The following EPHB4 variants were observed in gnomAD, a reference collection of about 807,000 sequenced individuals.
EPHB4 encodes the protein ephrin type-B receptor 4.
EPHB4 carries 50 observed loss-of-function variants against 110.6 expected under a neutral mutation model. That is an observed-to-expected ratio of 0.45 (90% CI 0.36 to 0.57). The LOEUF (loss-of-function observed/expected upper bound fraction) is 0.57. Ranked by LOEUF, EPHB4 falls within the 20% of genes least tolerant of loss-of-function variation. EPHB4 has a pLI of 0.00. For synonymous variants in EPHB4, 592 were observed against 578.4 expected, an observed-to-expected ratio of 1.02 and a Z score of -0.34; for missense variants, 1,128 against 1,382.1, an observed-to-expected ratio of 0.82 and a Z score of 2.91.
intron 14 of EPHB4, 95 bp from the exon 15 acceptor site, chr7:100,805,789 A>G: frequency 8.1e-7 from 1 of 1,228,496 alleles, no homozygotes; most frequent in Non-Finnish European, 1.1e-6. Context: ...ATGGTAGGAT[A>G]GGAGCCACAG....
In EPHB4 at chr7:100,817,069, C is replaced by G. The variant is rs1813090324; in HGVS notation, c.1588+123G>C. On this transcript the variant is annotated intron_variant, in intron 8 of 16. Transcript: ENST00000358173. ...CTGCACTCCAGCCTGAGGGACAGAG[C>G]AAGACTCCATCTCAAAAAAAAAAAA... The G allele has an allele frequency of 2.6e-6, 3 of 1,135,128 alleles. No individual in the cohort carries two copies. In the East Asian group the frequency reaches 9.7e-5, roughly 37 times the overall value. 70.3% of individuals were successfully genotyped at this position (1,135,128 alleles called of 1,614,324 possible).
At position 100,812,765 on chromosome 7, in the gene EPHB4, G is replaced by A. The variant is rs761645481; in HGVS notation, c.2100C>T (p.Ala700=). Residue 700 remains alanine (A), a synonymous_variant, in exon 12 of 17, where the codon GCC becomes GCT. Coordinates refer to ENST00000358173, the MANE Select transcript of EPHB4 (RefSeq NM_004444.5). ...TGCTCACCCGCAGGAAGGAGTCCAGGGCGCCGTTCTCCATGAACTCTGTGA... is the reference window on the plus strand; with the variant it reads ...TGCTCACCCGCAGGAAGGAGTCCAGAGCGCCGTTCTCCATGAACTCTGTGA... ...MILTEFMENG[A]LDSFLRLNDG... 5.0e-6 allele frequency: 8 copies of A among 1,613,592 alleles called. No homozygotes were observed. Among genetic ancestry groups the A allele is most frequent in the Non-Finnish European group, 6.8e-6 (8 of 1,180,020 alleles).
rs576790450 is a variant in EPHB4 at position 100,822,691 on chromosome 7, C to T, written c.412-24G>A. ...ACCTGCCGGCGGGGGGGAGGCACAC[C>T]GCTGCTGTCCCCACTCCCTGAGGAC... On this transcript the variant is annotated intron_variant, in intron 3 of 16. Transcript: ENST00000358173. The surrounding 1 kb of genome is among the most constrained non-coding windows in gnomAD (Gnocchi z 4.7). The T allele has an allele frequency of 1.5e-5, 22 of 1,515,952 alleles. No homozygotes were observed. The highest frequency in any genetic ancestry group is 1.8e-4 in the Middle Eastern group (1 of 5,608). The allele number at this position is 1,515,952 out of a possible 1,614,324, so 93.9% of individuals were successfully genotyped here.
intron 1 of EPHB4, chr7:100,825,184 GAA>G (rs1813346191): frequency 6.6e-6 from 1 of 152,134 alleles, no homozygotes. Context: ...CTGCAGGAGA[GAA>G]GAGAAAGAGG....
At chr7:100,813,302 C>CTT in intron 10 of EPHB4, 94 bp from the exon 11 acceptor site, 2 of 688,478 alleles carry the variant, frequency 2.9e-6, no homozygotes, top group Non-Finnish European at 4.4e-6. Flanking sequence ...CCCCTGTCTC[C>CTT]GTGGTTTTTT....
At chr7:100,815,704 A>G (rs1022148042) in intron 8 of EPHB4, among the ~76,000 whole-genome samples, 5 of 152,136 alleles carry the variant, frequency 3.3e-5, no homozygotes, top group African/African-American at 1.2e-4. Context: ...CACTGGTCCA[A>G]TGCTGGGTGT....
intron 10 of EPHB4, 88 bp from the exon 11 acceptor site, chr7:100,813,296 T>C (rs963100077): frequency 1.2e-5 from 9 of 742,510 alleles, no homozygotes; most frequent in African/African-American, 9.2e-5. Context: ...CCCAAACCCC[T>C]GTCTCCGTGG....
rs1291593153 is a variant in EPHB4, at chr7:100,823,798, A to G, written c.257T>C (p.Val86Ala). 4 of 1,613,208 alleles carry G rather than the reference A, an allele frequency of 2.5e-6. No homozygotes were observed. Among genetic ancestry groups the G allele is most frequent in the Non-Finnish European group, 3.4e-6 (4 of 1,179,930 alleles). Residue 86 changes from valine (V) to alanine (A), a missense_variant, in exon 3 of 17, where the codon GTG (valine) becomes GCG (alanine). Around this residue, in one of 3 missense-constraint regions of EPHB4, gnomAD observed 728 missense variants for 828.6 expected, o/e 0.88. Transcript: ENST00000358173. ...GWVPRRGAVH[V>A]YATLRFTMLE... ...CATGGTGAAGCGCAGCGTGGCGTACACGTGGACGGCGCCCCGCCGTGGGAC... is the reference window on the plus strand; with the variant it reads ...CATGGTGAAGCGCAGCGTGGCGTACGCGTGGACGGCGCCCCGCCGTGGGAC...
intron 10 of EPHB4, 136 bp downstream of exon 10, chr7:100,813,516 A>G (rs1459000584): frequency 9.0e-6 from 8 of 889,792 alleles, no homozygotes; most frequent in African/African-American, 1.7e-5. Flanking sequence ...GAGTTTCAAC[A>G]TGTTGGCCAG....
At chr7:100,824,052 C>T (rs1211631521) in intron 2 of EPHB4, 121 bp from the exon 3 acceptor site, 71 of 1,514,680 alleles carry the variant, frequency 4.7e-5, no homozygotes, top group Admixed American at 2.7e-4. Flanking sequence ...GCGAGGAGGG[C>T]GCCTCTGAGA....
chr7:100,817,165 C>A, intron 8 of EPHB4, 27 bp downstream of exon 8: 1 of 1,495,352 alleles, frequency 6.7e-7, no homozygotes, highest in Non-Finnish European at 8.9e-7. Context: ...TTCCAACCCC[C>A]ACCCTCACCC....
chr7:100,819,102 C>T (rs146184586), intron 6 of EPHB4, among the ~76,000 whole-genome samples: 178 of 152,146 alleles, frequency 1.2e-3, no homozygotes, highest in African/African-American at 4.0e-3. Context: ...GCTCCTCACC[C>T]TCTCTTTCTT....
In EPHB4 at chr7:100,803,354, GCT is replaced by G. The variant is rs1379210493; in HGVS notation, c.*105_*106del. ...AAATTGCCAACTCCTCACCCCACGG[GCT>G]CAAAGTGCAATCCAGCGGGGCACAG... On this transcript the variant is annotated 3_prime_UTR_variant, in exon 17 of 17. Transcript: ENST00000358173. 1 of 1,304,714 alleles carries G rather than the reference GCT, an allele frequency of 7.7e-7. No individual in the cohort carries two copies. Among genetic ancestry groups the G allele is most frequent in the Admixed American group, 3.1e-5 (1 of 32,110 alleles). 80.8% of individuals were successfully genotyped at this position (1,304,714 alleles called of 1,614,324 possible). A position where few individuals can be genotyped will look rare whatever the true frequency, so the allele number is the denominator to read the frequency against.
chr7:100,826,903 T>C, intron 1 of EPHB4, 76 bp downstream of exon 1: 1 of 1,480,976 alleles, frequency 6.8e-7, no homozygotes, highest in Non-Finnish European at 9.1e-7. Context: ...GGCCGGCCCC[T>C]CCACTCCGAG....
chr7:100,822,434 C>A lies in EPHB4; in HGVS notation c.645G>T (p.Leu215=). 3 of 1,601,676 alleles carry A rather than the reference C, an allele frequency of 1.9e-6. No individual in the cohort carries two copies. The highest frequency in any genetic ancestry group is 2.6e-6 in the Non-Finnish European group (3 of 1,172,372). The change falls in exon 4 of 17, where the codon CTG becomes CTT. Residue 215 remains leucine (L), a synonymous_variant. Coordinates refer to ENST00000358173, the MANE Select transcript of EPHB4 (RefSeq NM_004444.5). The surrounding 1 kb of genome is among the most constrained non-coding windows in gnomAD (Gnocchi z 4.7). ...CGCAGCTACCGGCCACGGGCACAAC[C>A]AGCTCCCGAGGCACAGTCTCCGGGA... ...TRFPETVPRE[L]VVPVAGSCVV...
In EPHB4 at chr7:100,805,689, G is replaced by A. The variant is rs1327625490; in HGVS notation, c.2490C>T (p.Ile830=). The change falls in exon 15 of 17, where the codon ATC becomes ATT. Residue 830 remains isoleucine (I), a synonymous_variant. Coordinates refer to ENST00000358173, the MANE Select transcript of EPHB4 (RefSeq NM_004444.5). ...GCCGGTAGTCCTGTTCAATGGCATTGATCACCTGGAAAGAGGGGAAGAAGC... is the reference window on the plus strand; with the variant it reads ...GCCGGTAGTCCTGTTCAATGGCATTAATCACCTGGAAAGAGGGGAAGAAGC... ...PYWDMSNQDV[I]NAIEQDYRLP... 1 of 1,485,198 alleles carries A rather than the reference G, an allele frequency of 6.7e-7. No homozygotes were observed. Among genetic ancestry groups the A allele is most frequent in the Admixed American group, 2.5e-5 (1 of 40,062 alleles). The allele number at this position is 1,485,198 out of a possible 1,614,324, so 92.0% of individuals were successfully genotyped here.
intron 16 of EPHB4, 67 bp downstream of exon 16, chr7:100,805,099 G>C (rs1812786867): frequency 6.5e-7 from 1 of 1,545,968 alleles, no homozygotes; most frequent in Non-Finnish European, 8.7e-7. Context: ...AGCCCCTGGA[G>C]ACCCCGTGGG....
intron 2 of EPHB4, 31 bp from the exon 3 acceptor site, chr7:100,823,962 T>C (rs763798622): frequency 1.9e-6 from 3 of 1,547,570 alleles, no homozygotes; most frequent in African/African-American, 1.4e-5. Flanking sequence ...GCAAGGGGGC[T>C]GGGGAGCCGC....
chr7:100,807,649 T>C, intron 12 of EPHB4, 69 bp from the exon 13 acceptor site: 1 of 928,012 alleles, frequency 1.1e-6, no homozygotes, highest in Non-Finnish European at 1.5e-6. Context: ...CATCCACATC[T>C]TTTTTTTTTA....
Sources: allele counts gnomAD v4.1 joint callset (sites outside exome capture counted in the v4.1 genomes callset), GRCh38; gene constraint gnomAD v4.1.1; regional missense constraint gnomAD v4.1.1; non-coding constraint Gnocchi (gnomAD v3.1); transcripts MANE v1.5; gene names NCBI Gene and HGNC (gene_info 2026-07-23, HGNC 2026-07-21).